Variants in FOXO1 observed in about 807,000 individuals in gnomAD.
The protein encoded by FOXO1 is forkhead box O1.
Under a neutral mutation model 44.1 loss-of-function variants are expected in FOXO1, and 6 were observed. The observed-to-expected ratio is 0.14, with a 90% confidence interval of 0.07 to 0.27. The LOEUF (loss-of-function observed/expected upper bound fraction) is 0.27. FOXO1 is among the 10% of genes least tolerant of loss of function. The pLI is 1.00. For missense variants in FOXO1, 737 were observed against 888.8 expected, an observed-to-expected ratio of 0.83 and a Z score of 2.17; for synonymous variants, 380 against 362.7, an observed-to-expected ratio of 1.05 and a Z score of -0.54.
At chr13:40,644,619 G>A (rs1877456220) in intron 1 of FOXO1, among the ~76,000 whole-genome samples, 1 of 152,134 alleles carries the variant, frequency 6.6e-6, no homozygotes, top group Admixed American at 6.5e-5. Flanking sequence ...GAGCTTAGAG[G>A]CCTTGGTATT....
chr13:40,593,648 C>A (rs1875471445), intron 1 of FOXO1, among the ~76,000 whole-genome samples: 1 of 151,906 alleles, frequency 6.6e-6, no homozygotes, highest in African/African-American at 2.4e-5. Context: ...TCTATTTATA[C>A]CAAAGGTAAA....
At chr13:40,631,268 A>G (rs1876953687) in intron 1 of FOXO1, among the ~76,000 whole-genome samples, 1 of 152,206 alleles carries the variant, frequency 6.6e-6, no homozygotes, top group African/African-American at 2.4e-5. Flanking sequence ...CGCATTCCAT[A>G]AACTATGACT....
chr13:40,632,018 T>C (rs1248973743), intron 1 of FOXO1, among the ~76,000 whole-genome samples: 3 of 152,172 alleles, frequency 2.0e-5, no homozygotes, highest in Non-Finnish European at 4.4e-5. Flanking sequence ...ATGACTGTAA[T>C]CCCAGCACTT....
chr13:40,624,825 T>C (rs1876734004), intron 1 of FOXO1, among the ~76,000 whole-genome samples: 1 of 152,216 alleles, frequency 6.6e-6, no homozygotes, highest in Non-Finnish European at 1.5e-5. Flanking sequence ...ACTGTCTCAC[T>C]GGGAATTATG....
chr13:40,611,464 G>A (rs1876227187), intron 1 of FOXO1, among the ~76,000 whole-genome samples: 1 of 152,188 alleles, frequency 6.6e-6, no homozygotes, highest in African/African-American at 2.4e-5. Context: ...CAAATTTGAA[G>A]ATAAAAATAT....
At chr13:40,636,105 C>T in intron 1 of FOXO1, among the ~76,000 whole-genome samples, 1 of 152,092 alleles carries the variant, frequency 6.6e-6, no homozygotes, top group East Asian at 1.9e-4. Context: ...GTCCCAACTA[C>T]TTGGGAGGCG....
chr13:40,663,596 G>C (rs2137947494), intron 1 of FOXO1, among the ~76,000 whole-genome samples: 1 of 152,258 alleles, frequency 6.6e-6, no homozygotes, highest in South Asian at 2.1e-4. Context: ...AGTAAGTCAA[G>C]TACTTAAATT....
chr13:40,665,412 C>G (rs1242723894), intron 1 of FOXO1, among the ~76,000 whole-genome samples, 171 bp downstream of exon 1: 1 of 151,740 alleles, frequency 6.6e-6, no homozygotes, highest in Non-Finnish European at 1.5e-5. Context: ...CACCTACTGC[C>G]GTCCCCGACC....
At chr13:40,650,816 G>A (rs1001345288) in intron 1 of FOXO1, among the ~76,000 whole-genome samples, 2 of 152,052 alleles carry the variant, frequency 1.3e-5, no homozygotes, top group African/African-American at 2.4e-5. Context: ...GTGCAGTGGC[G>A]CAATCTTGGC....
chr13:40,606,804 T>G (rs1456525068), intron 1 of FOXO1, among the ~76,000 whole-genome samples: 1 of 152,196 alleles, frequency 6.6e-6, no homozygotes, highest in African/African-American at 2.4e-5. Flanking sequence ...TAGTGCAGCC[T>G]GCAGGTCCCT....
intron 1 of FOXO1, among the ~76,000 whole-genome samples, chr13:40,663,892 C>T (rs1487442737): frequency 6.6e-6 from 1 of 152,214 alleles, no homozygotes. Context: ...TGTAAAATAA[C>T]CTTGGTGTTA....
In FOXO1 at chr13:40,626,291, T is replaced by A. The variant is rs1409100388; in HGVS notation, c.630+39292A>T. On this transcript the variant is annotated intron_variant, in intron 1 of 2. Coordinates refer to ENST00000379561, the MANE Select transcript of FOXO1 (RefSeq NM_002015.4). ...TGTAAAAGCTTAAAAGGATTCAATA[T>A]TCACAAGTCTCCTGACAAAGCAACC... is the stretch of plus-strand genomic sequence containing the variant. 2.0e-5 allele frequency among the ~76,000 whole-genome samples: 3 copies of A among 152,268 alleles called. No homozygotes were observed. In the East Asian group the frequency reaches 5.8e-4, roughly 29 times the overall value.
At chr13:40,648,836 T>C (rs1877590024) in intron 1 of FOXO1, among the ~76,000 whole-genome samples, 1 of 152,198 alleles carries the variant, frequency 6.6e-6, no homozygotes. Context: ...GAAGGGGCAT[T>C]AAAAATTAAG....
At chr13:40,618,453 C>G (rs1566077126) in intron 1 of FOXO1, among the ~76,000 whole-genome samples, 2 of 152,206 alleles carry the variant, frequency 1.3e-5, no homozygotes, top group African/African-American at 4.8e-5. Flanking sequence ...TTCCAAGCTC[C>G]CAAGAGCTGT....
At position 40,666,078 on chromosome 13, in the gene FOXO1, C is replaced by A; in HGVS notation, c.135G>T (p.Ser45=). The change falls in exon 1 of 3, where the codon TCG becomes TCT. Residue 45 remains serine (S), a synonymous_variant. Coordinates refer to ENST00000379561, the MANE Select transcript of FOXO1 (RefSeq NM_002015.4). ...CGTCGGGGTTGGCAGCCGCGCTGCC[C>A]GACGGCGCCGGGCTGGAGGTGGCCG... ...SNSATSSPAP[S]GSAAANPDAA... 7.5e-7 allele frequency: 1 copy of A among 1,338,724 alleles called. No individual in the cohort carries two copies. Among genetic ancestry groups the A allele is most frequent in the Non-Finnish European group, 9.6e-7 (1 of 1,046,870 alleles). 82.9% of individuals were successfully genotyped at this position (1,338,724 alleles called of 1,614,324 possible).
At chr13:40,627,914 T>A (rs979192790) in intron 1 of FOXO1, among the ~76,000 whole-genome samples, 2 of 152,004 alleles carry the variant, frequency 1.3e-5, no homozygotes, top group African/African-American at 4.8e-5. Context: ...ACTATTCTTG[T>A]TCTCTGGAAA....
intron 1 of FOXO1, among the ~76,000 whole-genome samples, chr13:40,598,054 A>G (rs1409138674): frequency 6.6e-6 from 1 of 152,148 alleles, no homozygotes; most frequent in African/African-American, 2.4e-5. Context: ...GTTTCAAATC[A>G]TAGGCTAACA....
Position 40,582,024 on chromosome 13 carries a change from T to C in FOXO1, c.631-21164A>G, listed in dbSNP as rs146119749. Among the ~76,000 whole-genome samples, 110 of 152,238 alleles carry C rather than the reference T, an allele frequency of 7.2e-4. 1 individual carries two copies. In the East Asian group the frequency reaches 0.019, roughly 27 times the overall value. On this transcript the variant is annotated intron_variant, in intron 1 of 2. Coordinates refer to ENST00000379561, the MANE Select transcript of FOXO1 (RefSeq NM_002015.4). ...TTATAGCTAAAACAGAGAGGTAGAA[T>C]ATGGGTACTAATTATATTGGTCTCT...
At chr13:40,602,344 A>G (rs1875841652) in intron 1 of FOXO1, among the ~76,000 whole-genome samples, 1 of 152,212 alleles carries the variant, frequency 6.6e-6, no homozygotes, top group Admixed American at 6.5e-5. Flanking sequence ...CAAAAGGAAT[A>G]GGTATATGAG....
Sources: allele counts gnomAD v4.1 joint callset (sites outside exome capture counted in the v4.1 genomes callset), GRCh38; gene constraint gnomAD v4.1.1; transcripts MANE v1.5; gene names NCBI Gene and HGNC (gene_info 2026-07-23, HGNC 2026-07-21).